The following CNTN1 variants were observed in gnomAD, a reference collection of about 807,000 sequenced individuals.
CNTN1 encodes the protein contactin 1.
In CNTN1, 38 loss-of-function variants were observed where a neutral mutation model predicts 126.4. The ratio of observed to expected loss-of-function variants is 0.30; its 90% confidence interval spans 0.23 to 0.39. CNTN1 has a LOEUF of 0.39. CNTN1 is among the 10% of genes least tolerant of loss of function. The probability of loss-of-function intolerance (pLI) is 1.00; values close to 1 mark genes in which losing one functional copy is unlikely to be tolerated. For synonymous variants in CNTN1, 413 were observed against 422.6 expected, an observed-to-expected ratio of 0.98 and a Z score of 0.28; for missense variants, 1,009 against 1,248.4, an observed-to-expected ratio of 0.81 and a Z score of 2.89.
chr12:41,070,841 T>C lies in CNTN1; in HGVS notation c.*806T>C, dbSNP rs1435266676. 1 of 152,080 alleles carries C rather than the reference T, an allele frequency of 6.6e-6. No homozygotes were observed. The highest frequency in any genetic ancestry group is 2.4e-5 in the African/African-American group (1 of 41,442). The allele number at this position is 152,080 out of a possible 1,614,324, so 9.4% of individuals were successfully genotyped here. On this transcript the variant is annotated 3_prime_UTR_variant, in exon 24 of 24. Transcript: ENST00000551295. The stretch of plus-strand genomic sequence containing the variant: ...ACAGCTCTTATCTAGAGTATCATAA[T>C]ATTGCTATATTTGTTCATATGTGGA...
chr12:40,821,001 A>T (rs557700120), intron 1 of CNTN1, among the ~76,000 whole-genome samples: 26 of 152,272 alleles, frequency 1.7e-4, no homozygotes, highest in African/African-American at 6.0e-4. Context: ...TGATGACGTC[A>T]CTCCACATTA....
intron 19 of CNTN1, among the ~76,000 whole-genome samples, chr12:41,017,531 C>G (rs981986166): frequency 2.0e-5 from 3 of 151,658 alleles, no homozygotes; most frequent in African/African-American, 7.3e-5. Flanking sequence ...TAAAGGGAAT[C>G]TAGACATAAT....
At chr12:40,703,453 A>C (rs1941652342) in intron 1 of CNTN1, among the ~76,000 whole-genome samples, 1 of 152,220 alleles carries the variant, frequency 6.6e-6, no homozygotes, top group African/African-American at 2.4e-5. Flanking sequence ...CGTAGTAGAT[A>C]CGTAATTTTG....
chr12:40,898,176 G>T (rs563581379), intron 1 of CNTN1, among the ~76,000 whole-genome samples: 126 of 152,186 alleles, frequency 8.3e-4, no homozygotes, highest in African/African-American at 2.4e-3. Flanking sequence ...GATGTGGGGG[G>T]TATAGAAAAA....
Position 40,908,875 on chromosome 12 carries a change from T to A in CNTN1, c.61+382T>A, listed in dbSNP as rs996913773. On this transcript the variant is annotated intron_variant, in intron 2 of 23. Transcript: ENST00000551295. ...CTGTAGTATTTTCACCACCCTGATA[T>A]AAGTAACCACAATGGCAAAGAGAAT... is the stretch of plus-strand genomic sequence containing the variant. Among the ~76,000 whole-genome samples, 4 of 152,148 alleles carry A rather than the reference T, an allele frequency of 2.6e-5. No individual in the cohort carries two copies. In the East Asian group the frequency reaches 7.7e-4, roughly 29 times the overall value.
intron 1 of CNTN1, among the ~76,000 whole-genome samples, chr12:40,840,105 C>T (rs989177420): frequency 1.3e-5 from 2 of 151,566 alleles, no homozygotes; most frequent in African/African-American, 2.4e-5. Context: ...AGAAACTCAC[C>T]TTACCAGTGA....
intron 15 of CNTN1, among the ~76,000 whole-genome samples, chr12:40,966,228 G>A (rs1947304581): frequency 6.6e-6 from 1 of 152,092 alleles, no homozygotes; most frequent in African/African-American, 2.4e-5. Flanking sequence ...GGCCAACGAA[G>A]TCTTGCCACA....
At chr12:40,831,720 C>T (rs534323301) in intron 1 of CNTN1, among the ~76,000 whole-genome samples, 1 of 152,184 alleles carries the variant, frequency 6.6e-6, no homozygotes, top group South Asian at 2.1e-4. Flanking sequence ...TCTCTTTCTT[C>T]TCACAAGACA....
At chr12:40,961,048 G>A (rs1035179931) in intron 15 of CNTN1, among the ~76,000 whole-genome samples, 3 of 151,910 alleles carry the variant, frequency 2.0e-5, no homozygotes, top group African/African-American at 7.2e-5. Context: ...CATGATACTA[G>A]CCACACATAC....
chr12:40,773,004 T>G (rs529437268), intron 1 of CNTN1, among the ~76,000 whole-genome samples: 73 of 152,048 alleles, frequency 4.8e-4, no homozygotes, highest in African/African-American at 1.7e-3. Context: ...ATACGCACAT[T>G]GGATATACAT....
chr12:40,902,167 T>G (rs1464598884), intron 1 of CNTN1, among the ~76,000 whole-genome samples: 1 of 152,230 alleles, frequency 6.6e-6, no homozygotes, highest in Non-Finnish European at 1.5e-5. Context: ...CACTTTTATG[T>G]ACATATGCTG....
chr12:40,758,640 G>A (rs949476965), intron 1 of CNTN1, among the ~76,000 whole-genome samples: 1 of 152,022 alleles, frequency 6.6e-6, no homozygotes, highest in Non-Finnish European at 1.5e-5. Flanking sequence ...TACAAAACTA[G>A]ATGAAAGAGT....
chr12:41,040,427 T>C (rs1949372982), intron 23 of CNTN1, among the ~76,000 whole-genome samples: 1 of 152,062 alleles, frequency 6.6e-6, no homozygotes, highest in Non-Finnish European at 1.5e-5. Context: ...ACATAGGATA[T>C]ACATTTAGAG....
At chr12:40,836,060 A>AT (rs1389332908) in intron 1 of CNTN1, among the ~76,000 whole-genome samples, 1 of 150,300 alleles carries the variant, frequency 6.7e-6, no homozygotes, top group Non-Finnish European at 1.5e-5. Flanking sequence ...ATGTATATGT[A>AT]TACAGGTGTA....
chr12:40,730,036 C>A (rs1463916100), intron 1 of CNTN1: 3 of 152,310 alleles, frequency 2.0e-5, no homozygotes, highest in African/African-American at 7.2e-5. Context: ...ATAGCAATTT[C>A]ATATGTGTCC....
chr12:40,930,768 G>GA (rs1256716202), intron 7 of CNTN1, among the ~76,000 whole-genome samples: 2 of 151,880 alleles, frequency 1.3e-5, no homozygotes, highest in Non-Finnish European at 2.9e-5. Context: ...GTGATGATGG[G>GA]AAAAATGCTA....
chr12:40,862,321 A>G (rs1565848279), intron 1 of CNTN1, among the ~76,000 whole-genome samples: 1 of 151,772 alleles, frequency 6.6e-6, no homozygotes, highest in Non-Finnish European at 1.5e-5. Context: ...TCAGTGTCAT[A>G]CTCTTTCTGC....
intron 1 of CNTN1, among the ~76,000 whole-genome samples, chr12:40,768,223 A>G (rs1939194529): frequency 6.6e-6 from 1 of 152,230 alleles, no homozygotes; most frequent in Non-Finnish European, 1.5e-5. Flanking sequence ...AGTGGATGTC[A>G]GTAATGTTAT....
intron 15 of CNTN1, among the ~76,000 whole-genome samples, chr12:40,968,000 C>A (rs1019798973): frequency 6.7e-6 from 1 of 149,816 alleles, no homozygotes; most frequent in Non-Finnish European, 1.5e-5. Flanking sequence ...TGATATATAA[C>A]ATTTATTAAA....
Sources: allele counts gnomAD v4.1 joint callset (sites outside exome capture counted in the v4.1 genomes callset), GRCh38; gene constraint gnomAD v4.1.1; transcripts MANE v1.5; gene names NCBI Gene and HGNC (gene_info 2026-07-23, HGNC 2026-07-21).